The following IRAK2 variants were observed in gnomAD, a reference collection of about 807,000 sequenced individuals.
The protein encoded by IRAK2 is interleukin-1 receptor-associated kinase-like 2.
In IRAK2, 57 loss-of-function variants were observed where a neutral mutation model predicts 72.0. That is an observed-to-expected ratio of 0.79 (90% confidence interval 0.64 to 0.99). IRAK2 has a LOEUF of 0.99. IRAK2 is among the 50% of genes least tolerant of loss of function. The pLI is 0.00. For missense variants in IRAK2, 790 were observed against 794.4 expected, an observed-to-expected ratio of 0.99 and a Z score of 0.07; for synonymous variants, 293 against 312.7, an observed-to-expected ratio of 0.94 and a Z score of 0.67.
rs11465913 is a variant in IRAK2 at position 10,222,561 on chromosome 3, C to T, written c.1014-75C>T. The T allele has an allele frequency of 1.1e-3, 1,387 of 1,271,374 alleles. 13 individuals carry two copies. In the African/African-American group the frequency reaches 0.017, roughly 16 times the overall value. 78.8% of individuals were successfully genotyped at this position (1,271,374 alleles called of 1,614,324 possible). A position where few individuals can be genotyped will look rare whatever the true frequency, so the allele number is the denominator to read the frequency against. On this transcript the variant is annotated intron_variant, in intron 8 of 12. Transcript: ENST00000256458. Reference sequence around the variant, plus strand: ...GGAGGTGAGGTTGCTATATTGTCTCCCCAAAGGGTCTCCATGGCAACTTGT... The same window carrying T: ...GGAGGTGAGGTTGCTATATTGTCTCTCCAAAGGGTCTCCATGGCAACTTGT...
At chr3:10,211,130 T>C (rs566017612) in intron 4 of IRAK2, among the ~76,000 whole-genome samples, 1 of 152,164 alleles carries the variant, frequency 6.6e-6, no homozygotes, top group East Asian at 1.9e-4. Context: ...CCCAAAGTGC[T>C]GGGATTACAG....
intron 4 of IRAK2, among the ~76,000 whole-genome samples, chr3:10,210,971 G>A (rs953598357): frequency 3.9e-5 from 6 of 152,066 alleles, no homozygotes; most frequent in Non-Finnish European, 7.4e-5. Flanking sequence ...CTATTCTCCT[G>A]CCTCAGCCTC....
At position 10,234,456 on chromosome 3, in the gene IRAK2, C is replaced by T. The variant is rs763226640; in HGVS notation, c.1273-3C>T. Reference sequence around the variant, plus strand: ...AAGGGCGTTTCTACCCTTCTTCCCACAGAAGGACTTACTCCTCAGTGATAT... The same window carrying T: ...AAGGGCGTTTCTACCCTTCTTCCCATAGAAGGACTTACTCCTCAGTGATAT... On this transcript the variant is annotated splice_polypyrimidine_tract_variant and splice_region_variant and intron_variant, in intron 10 of 12. Transcript: ENST00000256458. The T allele has an allele frequency of 1.3e-5, 21 of 1,613,148 alleles. No homozygotes were observed. The Admixed American group carries it at 3.2e-4, about 24-fold the overall frequency.
chr3:10,187,600 G>C (rs73811844), intron 2 of IRAK2, among the ~76,000 whole-genome samples: 3,309 of 151,958 alleles, frequency 0.022, 112 homozygotes, highest in African/African-American at 0.077. Flanking sequence ...CTAAACTCGG[G>C]AAACCCCGCA....
At position 10,167,543 on chromosome 3, in the gene IRAK2, C is replaced by T. The variant is rs933082507; in HGVS notation, c.94+2495C>T. On this transcript the variant is annotated intron_variant, in intron 1 of 12. Transcript: ENST00000256458. Reference sequence around the variant, plus strand: ...CATTCTCCTGCTTCAGCCTCCCTAGCAGCTTGGACTACAGGTGCCTGCCAC... The same window carrying T: ...CATTCTCCTGCTTCAGCCTCCCTAGTAGCTTGGACTACAGGTGCCTGCCAC... Among the ~76,000 whole-genome samples the T allele has an allele frequency of 6.6e-5, 10 of 152,108 alleles. 1 individual carries two copies. Among genetic ancestry groups the T allele is most frequent in the South Asian group, 2.1e-4 (1 of 4,818 alleles).
chr3:10,200,853 A>T (rs1282664827), intron 3 of IRAK2, among the ~76,000 whole-genome samples: 1 of 152,242 alleles, frequency 6.6e-6, no homozygotes, highest in Non-Finnish European at 1.5e-5. Context: ...GTGAGCTATG[A>T]TCACACCACT....
intron 11 of IRAK2, among the ~76,000 whole-genome samples, chr3:10,235,059 T>C (rs1008282381): frequency 6.6e-6 from 1 of 152,148 alleles, no homozygotes; most frequent in Non-Finnish European, 1.5e-5. Context: ...TTGGCTGAAC[T>C]TGGGTCAGTT....
chr3:10,182,664 G>C (rs1696979090), intron 2 of IRAK2, among the ~76,000 whole-genome samples: 1 of 152,030 alleles, frequency 6.6e-6, no homozygotes, highest in South Asian at 2.1e-4. Context: ...GCCCGCCTCA[G>C]CCTCCCAAAG....
intron 1 of IRAK2, among the ~76,000 whole-genome samples, chr3:10,167,867 C>A (rs1296587693): frequency 6.6e-6 from 1 of 152,202 alleles, no homozygotes; most frequent in Non-Finnish European, 1.5e-5. Context: ...TGCAGTGGTG[C>A]AAATGTAGCT....
chr3:10,187,392 C>T (rs368103183), intron 2 of IRAK2, among the ~76,000 whole-genome samples: 12 of 152,178 alleles, frequency 7.9e-5, no homozygotes, highest in African/African-American at 2.9e-4. Context: ...GAAGATTCAC[C>T]CTCTGGGTCA....
intron 10 of IRAK2, among the ~76,000 whole-genome samples, 162 bp downstream of exon 10, chr3:10,226,595 C>T (rs193289386): frequency 1.3e-5 from 2 of 152,202 alleles, no homozygotes; most frequent in Admixed American, 6.5e-5. Flanking sequence ...CCCATCCCCA[C>T]CTGCCAGCCA....
intron 9 of IRAK2, 71 bp downstream of exon 9, chr3:10,222,902 A>G: frequency 7.2e-7 from 1 of 1,382,288 alleles, no homozygotes; most frequent in Non-Finnish European, 1.0e-6. Context: ...CTTTGTAATC[A>G]CAGGATACGG....
chr3:10,167,402 C>T (rs938687787), intron 1 of IRAK2, among the ~76,000 whole-genome samples: 3 of 151,848 alleles, frequency 2.0e-5, no homozygotes, highest in South Asian at 4.2e-4. Context: ...TTGTAGCATG[C>T]GTCAATACTT....
Position 10,188,543 on chromosome 3 carries a change from T to G in IRAK2, c.277+10523T>G, listed in dbSNP as rs550230889. Among the ~76,000 whole-genome samples, 4 of 152,168 alleles carry G rather than the reference T, an allele frequency of 2.6e-5. No homozygotes were observed. The East Asian group carries it at 7.7e-4, about 29-fold the overall frequency. ...ATTTATTTATGTATTTATTTATTTT[T>G]GAAATGGAGTTTCGCTCTTGTTGCC... On this transcript the variant is annotated intron_variant, in intron 2 of 12. Transcript: ENST00000256458.
intron 9 of IRAK2, among the ~76,000 whole-genome samples, chr3:10,223,208 G>A (rs148535318): frequency 2.0e-5 from 3 of 152,182 alleles, no homozygotes; most frequent in East Asian, 1.9e-4. Flanking sequence ...CCTGACTTCC[G>A]TAATTCCCAT....
intron 1 of IRAK2, among the ~76,000 whole-genome samples, chr3:10,173,596 T>C (rs1575951754): frequency 6.6e-6 from 1 of 151,828 alleles, no homozygotes; most frequent in East Asian, 1.9e-4. Context: ...CCAAGGAGGG[T>C]GGATCACTTG....
At chr3:10,173,591 G>T (rs113058568) in intron 1 of IRAK2, among the ~76,000 whole-genome samples, 272 of 152,288 alleles carry the variant, frequency 1.8e-3, no homozygotes, top group African/African-American at 5.9e-3. Flanking sequence ...GGAGGCCAAG[G>T]AGGGTGGATC....
chr3:10,171,677 C>T (rs2125139706), intron 1 of IRAK2, among the ~76,000 whole-genome samples: 1 of 141,650 alleles, frequency 7.1e-6, no homozygotes, highest in South Asian at 2.4e-4. Context: ...GGGAAAATTT[C>T]TTGAAGCCAA....
chr3:10,214,391 CT>C lies in IRAK2; in HGVS notation c.788+863del, dbSNP rs534445139. ...AGGTGTGCGCCCAGCTCATTTTTTG[CT>C]TTTTTTTTTTTTTTTTTTTGTAGAG... On this transcript the variant is annotated intron_variant, in intron 6 of 12. Coordinates refer to ENST00000256458, the MANE Select transcript of IRAK2 (RefSeq NM_001570.4). 5.0e-3 allele frequency among the ~76,000 whole-genome samples: 478 copies of C among 95,398 alleles called. 2 individuals carry two copies. Among genetic ancestry groups the C allele is most frequent in the African/African-American group, 0.011 (254 of 23,460 alleles). 62.6% of individuals were successfully genotyped at this position (95,398 alleles called of 152,430 possible).
Sources: allele counts gnomAD v4.1 joint callset (sites outside exome capture counted in the v4.1 genomes callset), GRCh38; gene constraint gnomAD v4.1.1; transcripts MANE v1.5; gene names NCBI Gene and HGNC (gene_info 2026-07-23, HGNC 2026-07-21).